The following LRPAP1 variants were observed in gnomAD, a reference collection of about 807,000 sequenced individuals.
The protein encoded by LRPAP1 is LDL receptor related protein associated protein 1, also known as alpha-2-macroglobulin receptor-associated protein.
In LRPAP1, 41 loss-of-function variants were observed where a neutral mutation model predicts 39.9. That is an observed-to-expected ratio of 1.03 (90% CI 0.80 to 1.33). The LOEUF is 1.33. Ranked by LOEUF, LRPAP1 falls within the 40% of genes most tolerant of loss-of-function variation. The pLI is 0.00. For synonymous variants in LRPAP1, 263 were observed against 212.7 expected (o/e 1.24, Z -2.06); for missense variants, 565 against 482.3 (o/e 1.17, Z -1.61).
chr4:3,520,168 G>C lies in LRPAP1; in HGVS notation c.375C>G (p.Asp125Glu). ...LNVILAKYGL[D>E]GKKDARQVTS... ...TCACCTGCCGAGCGTCCTTCTTTCC[G>C]TCCAGACCATACTTGGCCAAGATGA... Residue 125 changes from aspartate (D) to glutamate (E), a missense_variant, in exon 3 of 8, where the codon GAC becomes GAG. Transcript: ENST00000650182. The C allele has an allele frequency of 6.2e-7, 1 of 1,614,100 alleles. No homozygotes were observed. The highest frequency in any genetic ancestry group is 8.5e-7 in the Non-Finnish European group (1 of 1,180,010).
At chr4:3,529,285 T>C (rs112950163) in intron 1 of LRPAP1, among the ~76,000 whole-genome samples, 14,429 of 151,890 alleles carry the variant, frequency 0.095, 940 homozygotes, top group South Asian at 0.2. Context: ...ATCACGCCAC[T>C]GCACCCCAGC....
rs568522020 is a variant in LRPAP1 at position 3,518,203 on chromosome 4, G to A, written c.593-11C>T. On this transcript the variant is annotated splice_polypyrimidine_tract_variant and intron_variant, in intron 4 of 7. Transcript: ENST00000650182. The stretch of plus-strand genomic sequence containing the variant: ...CGTTCTCGTGGATTTCTGTAAAACC[G>A]AAGGCAGGACGCCATGAGGCTGGGA... 6 of 1,605,776 alleles carry A rather than the reference G, an allele frequency of 3.7e-6. No individual in the cohort carries two copies. Among genetic ancestry groups the A allele is most frequent in the South Asian group, 2.2e-5 (2 of 90,492 alleles).
chr4:3,519,745 T>G (rs1054130353), intron 3 of LRPAP1, among the ~76,000 whole-genome samples: 1 of 152,148 alleles, frequency 6.6e-6, no homozygotes. Context: ...ACTCACTACA[T>G]TAAAAATCCG....
At chr4:3,520,313 T>C (rs1729873048) in intron 2 of LRPAP1, 120 bp from the exon 3 acceptor site, 2 of 1,018,644 alleles carry the variant, frequency 2.0e-6, no homozygotes, top group South Asian at 1.6e-5. Context: ...AGTAGTTTCC[T>C]TTCACCTGTT....
At chr4:3,521,115 C>G (rs1729896209) in intron 2 of LRPAP1, among the ~76,000 whole-genome samples, 2 of 152,214 alleles carry the variant, frequency 1.3e-5, no homozygotes, top group African/African-American at 4.8e-5. Flanking sequence ...ACTAGGTCCC[C>G]TGGAATCCGG....
Position 3,532,007 on chromosome 4 carries a change from G to A in LRPAP1, c.204+202C>T, listed in dbSNP as rs554024221. On this transcript the variant is annotated intron_variant, in intron 1 of 7. Coordinates refer to ENST00000650182, the MANE Select transcript of LRPAP1 (RefSeq NM_002337.4). ...CCTGCTTCACACGGCGTCGTCGCCGGCACGGGTACCTTTCCTGCTGCAGAA... is the reference window on the plus strand; with the variant it reads ...CCTGCTTCACACGGCGTCGTCGCCGACACGGGTACCTTTCCTGCTGCAGAA... 6 of 622,272 alleles carry A rather than the reference G, an allele frequency of 9.6e-6. No individual in the cohort carries two copies. The South Asian group carries it at 1.0e-4, about 11-fold the overall frequency. The allele number at this position is 622,272 out of a possible 1,614,324, so 38.5% of individuals were successfully genotyped here. A position where few individuals can be genotyped will look rare whatever the true frequency, so the allele number is the denominator to read the frequency against.
chr4:3,513,206 T>C (rs1729587999), intron 7 of LRPAP1, among the ~76,000 whole-genome samples, 170 bp from the exon 8 acceptor site: 1 of 152,198 alleles, frequency 6.6e-6, no homozygotes, highest in African/African-American at 2.4e-5. Flanking sequence ...CAAAAGCAGC[T>C]CAGTACTAAC....
At chr4:3,529,380 G>A (rs184194339) in intron 1 of LRPAP1, among the ~76,000 whole-genome samples, 212 of 152,194 alleles carry the variant, frequency 1.4e-3, no homozygotes, top group Non-Finnish European at 2.4e-3. Context: ...CAAGGACTCC[G>A]AGCTCATGGC....
chr4:3,507,833 C>A lies in LRPAP1; in HGVS notation c.*5141G>T, dbSNP rs1411073067. ...TAAAAATGATAAACTCTTAGCTAGT[C>A]TGATCAGGGGGAAAAGAAAACACAA... On this transcript the variant is annotated 3_prime_UTR_variant, in exon 8 of 8. Coordinates refer to ENST00000650182, the MANE Select transcript of LRPAP1 (RefSeq NM_002337.4). The A allele has an allele frequency of 1.3e-5, 2 of 152,066 alleles. No homozygotes were observed. The highest frequency in any genetic ancestry group is 2.4e-5 in the African/African-American group (1 of 41,404). 9.4% of individuals were successfully genotyped at this position (152,066 alleles called of 1,614,324 possible). A position where few individuals can be genotyped will look rare whatever the true frequency, so the allele number is the denominator to read the frequency against.
intron 1 of LRPAP1, among the ~76,000 whole-genome samples, chr4:3,525,585 T>C (rs1730056743): frequency 6.6e-6 from 1 of 152,150 alleles, no homozygotes; most frequent in Non-Finnish European, 1.5e-5. Flanking sequence ...CCCCAGATCC[T>C]TCTGGAGCAG....
In LRPAP1 at chr4:3,531,860, G is replaced by A. The variant is rs576735749; in HGVS notation, c.204+349C>T. On this transcript the variant is annotated intron_variant, in intron 1 of 7. Transcript: ENST00000650182. ...CCCACATAGGGAGATAAGGTTGAGGGAACAGGCAAAGGCTCGGGAGGCAGG... is the reference window on the plus strand; with the variant it reads ...CCCACATAGGGAGATAAGGTTGAGGAAACAGGCAAAGGCTCGGGAGGCAGG... The A allele has an allele frequency of 4.4e-4, 153 of 349,068 alleles. 1 individual carries two copies. Among genetic ancestry groups the A allele is most frequent in the African/African-American group, 3.0e-3 (136 of 46,084 alleles). 21.6% of individuals were successfully genotyped at this position (349,068 alleles called of 1,614,324 possible). A position where few individuals can be genotyped will look rare whatever the true frequency, so the allele number is the denominator to read the frequency against.
chr4:3,517,322 G>A (rs777333604), intron 5 of LRPAP1, among the ~76,000 whole-genome samples: 2 of 152,254 alleles, frequency 1.3e-5, no homozygotes, highest in African/African-American at 4.8e-5. Context: ...CTGGCACCGG[G>A]GACAGAGACC....
At position 3,532,404 on chromosome 4, in the gene LRPAP1, C is replaced by G. The variant is rs374848233; in HGVS notation, c.9G>C (p.Pro3=). Reference sequence around the variant, plus strand: ...CGCGCAGAAACGACCTGACCCTCCGCGGCGCCATCTTCCTCTGCGACTGGC... The same window carrying G: ...CGCGCAGAAACGACCTGACCCTCCGGGGCGCCATCTTCCTCTGCGACTGGC... MA[P]RRVRSFLRGL... Residue 3 remains proline (P), a synonymous_variant, in exon 1 of 8, where the codon CCG becomes CCC. Coordinates refer to ENST00000650182, the MANE Select transcript of LRPAP1 (RefSeq NM_002337.4). The G allele has an allele frequency of 2.5e-5, 40 of 1,572,632 alleles. 2 individuals are homozygous for G. The highest frequency in any genetic ancestry group is 1.6e-4 in the East Asian group (7 of 42,902).
chr4:3,506,324 C>T lies in LRPAP1; in HGVS notation c.*6650G>A, dbSNP rs1729353484. ...CAAGTGATCTGCCCGCCTCAGCCTC[C>T]CAAAGTGCTGGGATTCCAGGCGGGA... is the stretch of plus-strand genomic sequence containing the variant. On this transcript the variant is annotated 3_prime_UTR_variant, in exon 8 of 8. Transcript: ENST00000650182. 1.3e-5 allele frequency: 2 copies of T among 151,106 alleles called. No homozygotes were observed. Among genetic ancestry groups the T allele is most frequent in the Middle Eastern group, 3.2e-3 (1 of 310 alleles). The allele number at this position is 151,106 out of a possible 1,614,324, so 9.4% of individuals were successfully genotyped here. A position where few individuals can be genotyped will look rare whatever the true frequency, so the allele number is the denominator to read the frequency against.
chr4:3,529,564 A>G (rs1730184826), intron 1 of LRPAP1, among the ~76,000 whole-genome samples: 1 of 152,134 alleles, frequency 6.6e-6, no homozygotes, highest in Non-Finnish European at 1.5e-5. Context: ...CTGACCTCCA[A>G]AGCTCCAGGG....
At chr4:3,516,026 G>T in intron 6 of LRPAP1, 90 bp downstream of exon 6, 1 of 1,225,692 alleles carries the variant, frequency 8.2e-7, no homozygotes, top group Non-Finnish European at 1.2e-6. Context: ...GAGAGAGCTT[G>T]GAGGAGAGGG....
intron 3 of LRPAP1, among the ~76,000 whole-genome samples, chr4:3,519,453 C>G (rs921528567): frequency 1.3e-5 from 2 of 152,240 alleles, no homozygotes; most frequent in Non-Finnish European, 2.9e-5. Flanking sequence ...CTCTCTGCCC[C>G]CTTCTACCGA....
At chr4:3,517,429 TC>T (rs1359627824) in intron 5 of LRPAP1, among the ~76,000 whole-genome samples, 1 of 152,226 alleles carries the variant, frequency 6.6e-6, no homozygotes, top group Non-Finnish European at 1.5e-5. Flanking sequence ...CAGCTGGTGC[TC>T]AGTGTGCACG....
intron 2 of LRPAP1, among the ~76,000 whole-genome samples, chr4:3,522,457 G>C (rs900562568): frequency 6.6e-6 from 1 of 150,566 alleles, no homozygotes; most frequent in Non-Finnish European, 1.5e-5. Flanking sequence ...GCGGCCTCAG[G>C]AGCACCGAGC....
Sources: gnomAD v4.1 joint callset for allele counts (sites outside exome capture counted in the v4.1 genomes callset) on GRCh38, gnomAD v4.1.1 for gene constraint, MANE v1.5 for transcripts, NCBI Gene and HGNC (gene_info 2026-07-23, HGNC 2026-07-21) for gene names.